DOK6: variants seen among roughly 807,000 people sequenced by gnomAD.
The protein encoded by DOK6 is downstream of tyrosine kinase 6.
A neutral mutation model predicts 44.0 loss-of-function variants in DOK6; 22 were observed. The observed-to-expected ratio is 0.50, with a 90% confidence interval of 0.36 to 0.71. DOK6 has a LOEUF of 0.71. Among genes scored for constraint, DOK6 ranks in the 30% least tolerant of loss-of-function variants. The probability of loss-of-function intolerance (pLI) is 0.00; values close to 1 mark genes in which losing one functional copy is unlikely to be tolerated. For missense variants in DOK6, 340 were observed against 416.4 expected (o/e 0.82, Z 1.60); for synonymous variants, 166 against 145.5 (o/e 1.14, Z -1.01).
At chr18:69,564,939 A>AT (rs932878011) in intron 2 of DOK6, among the ~76,000 whole-genome samples, 3 of 152,206 alleles carry the variant, frequency 2.0e-5, no homozygotes, top group African/African-American at 7.2e-5. Flanking sequence ...TATTTACTAG[A>AT]TAAAAATTAG....
At chr18:69,697,950 G>A (rs1986425008) in intron 4 of DOK6, among the ~76,000 whole-genome samples, 1 of 152,140 alleles carries the variant, frequency 6.6e-6, no homozygotes, top group South Asian at 2.1e-4. Flanking sequence ...CAGTCTGAGG[G>A]TGCATTAAAT....
chr18:69,650,596 A>G (rs1985198448), intron 3 of DOK6, among the ~76,000 whole-genome samples: 2 of 152,156 alleles, frequency 1.3e-5, no homozygotes, highest in South Asian at 4.1e-4. Flanking sequence ...TGGATTAAAA[A>G]CTATCATATC....
chr18:69,551,616 T>TA (rs1337601436), intron 1 of DOK6, among the ~76,000 whole-genome samples: 1 of 152,094 alleles, frequency 6.6e-6, no homozygotes, highest in African/African-American at 2.4e-5. Flanking sequence ...GATATGTCAA[T>TA]AAAAAAGGTA....
chr18:69,688,561 T>C (rs149551886), intron 4 of DOK6, among the ~76,000 whole-genome samples: 13 of 152,306 alleles, frequency 8.5e-5, no homozygotes, highest in African/African-American at 3.1e-4. Context: ...CTCGCTCTAT[T>C]GCCCAGGCTG....
At chr18:69,455,604 T>C (rs80054587) in intron 1 of DOK6, among the ~76,000 whole-genome samples, 2 of 152,202 alleles carry the variant, frequency 1.3e-5, no homozygotes, top group East Asian at 1.9e-4. Context: ...CAATTGTATA[T>C]TGGGAGATAT....
At chr18:69,839,932 C>T (rs572105227) in intron 7 of DOK6, among the ~76,000 whole-genome samples, 6 of 151,616 alleles carry the variant, frequency 4.0e-5, no homozygotes, top group African/African-American at 1.2e-4. Context: ...TCTAAAACAA[C>T]TTTTTTTTTA....
chr18:69,769,280 C>T (rs534283733), intron 7 of DOK6, among the ~76,000 whole-genome samples: 23 of 151,902 alleles, frequency 1.5e-4, no homozygotes, highest in Non-Finnish European at 3.4e-4. Flanking sequence ...AAAAGCTGCA[C>T]TTAGTTTTTT....
intron 5 of DOK6, among the ~76,000 whole-genome samples, chr18:69,733,116 C>T (rs548398597): frequency 2.0e-4 from 31 of 151,854 alleles, no homozygotes; most frequent in Non-Finnish European, 4.0e-4. Context: ...ATTACTTGAG[C>T]GCAGGAGTTC....
chr18:69,416,792 A>G (rs1326782463), intron 1 of DOK6, among the ~76,000 whole-genome samples: 1 of 152,148 alleles, frequency 6.6e-6, no homozygotes, highest in East Asian at 1.9e-4. Flanking sequence ...CTGCATTTAT[A>G]TAGACTATGT....
At chr18:69,620,244 C>T (rs1984409275) in intron 3 of DOK6, among the ~76,000 whole-genome samples, 1 of 152,184 alleles carries the variant, frequency 6.6e-6, no homozygotes, top group Middle Eastern at 3.4e-3. Context: ...TTTATATAAA[C>T]AAGTATTATA....
intron 5 of DOK6, among the ~76,000 whole-genome samples, chr18:69,712,280 C>CAAAAAAAAAAAAAAAAAAAA (rs869202861): frequency 4.4e-5 from 1 of 22,656 alleles, no homozygotes; most frequent in Non-Finnish European, 7.5e-5. Flanking sequence ...GACTCCGTCT[C>CAAAAAAAAAAAAAAAAAAAA]AAAAAAAAAA....
chr18:69,768,983 T>TGTGTGTGTGTGTGTGTGTG, intron 7 of DOK6, among the ~76,000 whole-genome samples: 1 of 26,324 alleles, frequency 3.8e-5, no homozygotes, highest in African/African-American at 6.8e-5. Flanking sequence ...GTGTGTGTGT[T>TGTGTGTGTGTGTGTGTGTG]GAATGCCTGT....
At chr18:69,709,477 ACT>A (rs1215316868) in intron 5 of DOK6, among the ~76,000 whole-genome samples, 1 of 152,086 alleles carries the variant, frequency 6.6e-6, no homozygotes, top group African/African-American at 2.4e-5. Context: ...AAATGTTAAA[ACT>A]CTCACAACAA....
chr18:69,805,095 A>C (rs967563995), intron 7 of DOK6, among the ~76,000 whole-genome samples: 2 of 152,128 alleles, frequency 1.3e-5, no homozygotes, highest in Non-Finnish European at 2.9e-5. Flanking sequence ...CAAAGGAGAG[A>C]TTCGAAACCC....
In DOK6 at chr18:69,611,276, G is replaced by A. The variant is rs60011013; in HGVS notation, c.289+11778G>A. Among the ~76,000 whole-genome samples, 1,412 of 152,006 alleles carry A rather than the reference G, an allele frequency of 9.3e-3. 23 individuals carry two copies. The highest frequency in any genetic ancestry group is 0.032 in the African/African-American group (1,314 of 41,284). ...TGCATAGTGACACACCTGTCAGCAT[G>A]ACTGACAGTTTTTAAAATTAGCCAC... On this transcript the variant is annotated intron_variant, in intron 3 of 7. Transcript: ENST00000382713.
At chr18:69,588,600 T>C (rs934095316) in intron 2 of DOK6, among the ~76,000 whole-genome samples, 2 of 152,104 alleles carry the variant, frequency 1.3e-5, no homozygotes, top group Non-Finnish European at 2.9e-5. Flanking sequence ...AAGGAAACTT[T>C]ACCCTTGGAA....
rs138704149 is a variant in DOK6 at position 69,765,733 on chromosome 18, C to T, written c.856+7860C>T. Reference sequence around the variant, plus strand: ...TCTTGAGTTCTGGAGTCAAATATACCGGAGTTTGAATATTAACTTTACCAC... The same window carrying T: ...TCTTGAGTTCTGGAGTCAAATATACTGGAGTTTGAATATTAACTTTACCAC... On this transcript the variant is annotated intron_variant, in intron 7 of 7. Transcript: ENST00000382713. 2.5e-3 allele frequency among the ~76,000 whole-genome samples: 380 copies of T among 152,074 alleles called. 4 individuals are homozygous for T. The highest frequency in any genetic ancestry group is 0.013 in the East Asian group (69 of 5,166).
intron 1 of DOK6, among the ~76,000 whole-genome samples, chr18:69,420,474 CTTTA>C (rs576388512): frequency 1.4e-4 from 21 of 152,012 alleles, no homozygotes; most frequent in Non-Finnish European, 1.5e-4. Flanking sequence ...ATCATTTTCT[CTTTA>C]TTTATTTATT....
intron 1 of DOK6, among the ~76,000 whole-genome samples, chr18:69,513,984 C>T (rs1364638427): frequency 1.3e-5 from 2 of 151,696 alleles, no homozygotes; most frequent in Non-Finnish European, 2.9e-5. Context: ...TTTATTTTAG[C>T]TTCTTGTCAA....
Sources: allele counts gnomAD v4.1 joint callset (sites outside exome capture counted in the v4.1 genomes callset), GRCh38; gene constraint gnomAD v4.1.1; transcripts MANE v1.5; gene names NCBI Gene and HGNC (gene_info 2026-07-23, HGNC 2026-07-21).